DPP10: variants seen among roughly 807,000 people sequenced by gnomAD.
DPP10 encodes the protein inactive dipeptidyl peptidase 10.
Under a neutral mutation model 120.9 loss-of-function variants are expected in DPP10, and 33 were observed. The observed-to-expected ratio is 0.27, with a 90% CI of 0.21 to 0.37. The LOEUF is 0.37. DPP10 is among the 10% of genes least tolerant of loss of function. The pLI, the probability that DPP10 is intolerant of heterozygous loss-of-function variation, is 1.00. For synonymous variants in DPP10, 337 were observed against 326.1 expected, an observed-to-expected ratio of 1.03 and a Z score of -0.36; for missense variants, 816 against 942.8, an observed-to-expected ratio of 0.87 and a Z score of 1.76.
intron 1 of DPP10, among the ~76,000 whole-genome samples, chr2:114,737,367 T>C (rs747948685): frequency 3.9e-4 from 60 of 152,296 alleles, no homozygotes; most frequent in Middle Eastern, 6.8e-3. Context: ...CCAGAAGACA[T>C]CTTGCAGTTT....
intron 12 of DPP10, among the ~76,000 whole-genome samples, chr2:115,766,685 G>A (rs1680805629): frequency 6.6e-6 from 1 of 152,072 alleles, no homozygotes; most frequent in African/African-American, 2.4e-5. Flanking sequence ...AGTACTGCAG[G>A]CTGTACAGAA....
intron 1 of DPP10, among the ~76,000 whole-genome samples, chr2:115,235,322 A>G (rs895994181): frequency 2.6e-5 from 4 of 152,158 alleles, no homozygotes; most frequent in African/African-American, 9.6e-5. Context: ...TGCCTCATTT[A>G]TTGATTTTTT....
intron 1 of DPP10, among the ~76,000 whole-genome samples, chr2:114,841,995 G>A (rs1688198146): frequency 6.6e-6 from 1 of 152,100 alleles, no homozygotes; most frequent in Non-Finnish European, 1.5e-5. Context: ...TAGAGCTAGA[G>A]TAACCATCTT....
chr2:114,758,547 C>T (rs930233370), intron 1 of DPP10, among the ~76,000 whole-genome samples: 4 of 152,158 alleles, frequency 2.6e-5, no homozygotes, highest in Non-Finnish European at 2.9e-5. Context: ...CTATATTACT[C>T]ATGACATTGT....
intron 1 of DPP10, among the ~76,000 whole-genome samples, chr2:115,307,056 C>T (rs1017447031): frequency 2.0e-5 from 3 of 152,192 alleles, no homozygotes; most frequent in African/African-American, 7.2e-5. Context: ...TCCAGCTCTC[C>T]TACTTATTAG....
chr2:115,440,932 T>C (rs559795513), intron 3 of DPP10: 1 of 152,198 alleles, frequency 6.6e-6, no homozygotes, highest in Non-Finnish European at 1.5e-5. Context: ...AGGATCTGCT[T>C]ACACAGGTCA....
At chr2:114,528,574 T>A (rs1685699503) in intron 1 of DPP10, among the ~76,000 whole-genome samples, 1 of 151,798 alleles carries the variant, frequency 6.6e-6, no homozygotes, top group African/African-American at 2.4e-5. Context: ...GGATGGTTGG[T>A]TATGACCAGT....
At chr2:114,624,275 G>C (rs1384667031) in intron 1 of DPP10, among the ~76,000 whole-genome samples, 1 of 151,914 alleles carries the variant, frequency 6.6e-6, no homozygotes, top group Non-Finnish European at 1.5e-5. Flanking sequence ...CAAAATTCTA[G>C]AGCCACAGTA....
At chr2:115,235,009 A>G (rs1321936848) in intron 1 of DPP10, among the ~76,000 whole-genome samples, 1 of 152,168 alleles carries the variant, frequency 6.6e-6, no homozygotes, top group Non-Finnish European at 1.5e-5. Flanking sequence ...AGACTCTATT[A>G]ACTTTTATCC....
chr2:115,522,957 C>T (rs1339201402), intron 4 of DPP10, among the ~76,000 whole-genome samples: 1 of 152,022 alleles, frequency 6.6e-6, no homozygotes, highest in Admixed American at 6.6e-5. Context: ...ACCCCAAATG[C>T]AATAAATAAT....
chr2:115,709,675 A>G (rs1174802175), intron 7 of DPP10, among the ~76,000 whole-genome samples: 3 of 152,002 alleles, frequency 2.0e-5, no homozygotes, highest in Non-Finnish European at 2.9e-5. Context: ...GAGAGAGAAC[A>G]GAGTCTGTGG....
intron 1 of DPP10, among the ~76,000 whole-genome samples, chr2:115,057,512 A>G (rs779705591): frequency 1.3e-5 from 2 of 152,214 alleles, no homozygotes; most frequent in Non-Finnish European, 2.9e-5. Context: ...TAAGGCAACC[A>G]GAGGCTCAGT....
chr2:114,845,587 T>C (rs1388091961), intron 1 of DPP10, among the ~76,000 whole-genome samples: 1 of 152,100 alleles, frequency 6.6e-6, no homozygotes, highest in Admixed American at 6.6e-5. Context: ...ACTTTGTTTC[T>C]CAGCAACTTC....
rs535266928 is a variant in DPP10, at chr2:114,938,485, AGAT to A, written c.61-370750_61-370748del. On this transcript the variant is annotated intron_variant, in intron 1 of 25. Transcript: ENST00000410059. ...ACCAGAAGTGGATTACTGAGTTAATAGATGATCAAATAATTTTTATTTTCTCTT... is the reference window on the plus strand; with the variant it reads ...ACCAGAAGTGGATTACTGAGTTAATAGATCAAATAATTTTTATTTTCTCTT... 3.3e-4 allele frequency among the ~76,000 whole-genome samples: 50 copies of A among 152,306 alleles called. No individual in the cohort carries two copies. In the East Asian group the frequency reaches 9.4e-3, roughly 29 times the overall value.
chr2:114,653,156 T>A, intron 1 of DPP10, among the ~76,000 whole-genome samples: 1 of 152,082 alleles, frequency 6.6e-6, no homozygotes, highest in Non-Finnish European at 1.5e-5. Context: ...TTGGAAAAAG[T>A]GTCTTTTGCA....
chr2:115,805,214 T>G (rs186511798), intron 19 of DPP10, among the ~76,000 whole-genome samples: 2,778 of 152,190 alleles, frequency 0.018, 88 homozygotes, highest in African/African-American at 0.061. Context: ...CTCGGTGGGC[T>G]TAGGACCCTC....
intron 24 of DPP10, among the ~76,000 whole-genome samples, chr2:115,838,933 A>G (rs1166575036): frequency 1.3e-5 from 2 of 152,210 alleles, no homozygotes; most frequent in Non-Finnish European, 2.9e-5. Context: ...AATGAATTCA[A>G]TCACCCAGTC....
At chr2:115,019,742 A>G (rs1016389617) in intron 1 of DPP10, among the ~76,000 whole-genome samples, 1 of 152,240 alleles carries the variant, frequency 6.6e-6, no homozygotes, top group African/African-American at 2.4e-5. Flanking sequence ...AGACAAAGGA[A>G]GAATCTTAAG....
At position 115,819,908 on chromosome 2, in the gene DPP10, C is replaced by A. The variant is rs557470082; in HGVS notation, c.1950+4179C>A. ...ACCTGGGAGGCTGAGGCAGGAGAAT[C>A]GCTTGAACCCAGGAGGCGGAGATTG... On this transcript the variant is annotated intron_variant, in intron 21 of 25. Transcript: ENST00000410059. Among the ~76,000 whole-genome samples, 317 of 152,282 alleles carry A rather than the reference C, an allele frequency of 2.1e-3. 1 individual carries two copies. The highest frequency in any genetic ancestry group is 7.3e-3 in the African/African-American group (302 of 41,560).
Sources: allele counts gnomAD v4.1 joint callset (sites outside exome capture counted in the v4.1 genomes callset), GRCh38; gene constraint gnomAD v4.1.1; transcripts MANE v1.5; gene names NCBI Gene and HGNC (gene_info 2026-07-23, HGNC 2026-07-21).